The following SMAP1 variants were observed in gnomAD, a reference collection of about 807,000 sequenced individuals.
The protein encoded by SMAP1 is stromal membrane-associated protein 1.
Under a neutral mutation model 58.5 loss-of-function variants are expected in SMAP1, and 24 were observed. The ratio of observed to expected loss-of-function variants is 0.41; its 90% CI spans 0.30 to 0.58. The LOEUF (loss-of-function observed/expected upper bound fraction) is 0.58, where lower values mean the gene tolerates loss of function less well. Among genes scored for constraint, SMAP1 ranks in the 20% least tolerant of loss-of-function variants. SMAP1 has a pLI of 0.29. For synonymous variants in SMAP1, 216 were observed against 196.6 expected (o/e 1.10, Z -0.82); for missense variants, 563 against 566.3 (o/e 0.99, Z 0.06).
chr6:70,703,373 C>A lies in SMAP1; in HGVS notation c.119-29005C>A, dbSNP rs146851421. Among the ~76,000 whole-genome samples the A allele has an allele frequency of 3.9e-5, 6 of 152,314 alleles. No homozygotes were observed. The East Asian group carries it at 1.2e-3, about 29-fold the overall frequency. ...ACAGGTGTGAGCCACCACGCTCAGC[C>A]AGCATTTTTCAATTGAATGCTAGAT... is the stretch of plus-strand genomic sequence containing the variant. On this transcript the variant is annotated intron_variant, in intron 1 of 10. Transcript: ENST00000370455.
intron 6 of SMAP1, among the ~76,000 whole-genome samples, chr6:70,802,820 G>T (rs1052541000): frequency 6.6e-6 from 1 of 152,098 alleles, no homozygotes; most frequent in African/African-American, 2.4e-5. Context: ...ATCGATTTGC[G>T]TATGTTGAAC....
At chr6:70,757,469 C>T (rs956828115) in intron 3 of SMAP1, among the ~76,000 whole-genome samples, 1 of 152,114 alleles carries the variant, frequency 6.6e-6, no homozygotes, top group African/African-American at 2.4e-5. Context: ...GCAAGGACTT[C>T]ATGTCCAAAA....
Position 70,812,959 on chromosome 6 carries a change from C to CT in SMAP1, c.576+14231dup, listed in dbSNP as rs146983009. Among the ~76,000 whole-genome samples the CT allele has an allele frequency of 4.7e-3, 711 of 150,878 alleles. 6 individuals are homozygous for CT. The highest frequency in any genetic ancestry group is 0.015 in the African/African-American group (617 of 41,162). On this transcript the variant is annotated intron_variant, in intron 6 of 10. Transcript: ENST00000370455. ...GTGATAATTATGTTCAGCCTCATTT[C>CT]TTTTTTTTTAGCAGTTTTCCCTTAT...
In SMAP1 at chr6:70,752,439, T is replaced by TA. The variant is rs780493484; in HGVS notation, c.253-2537dup. On this transcript the variant is annotated intron_variant, in intron 2 of 10. Coordinates refer to ENST00000370455, the MANE Select transcript of SMAP1 (RefSeq NM_001044305.3). ...TTTACAGATTCTGTTTCTTTTCCTG[T>TA]AAAATTAGGATAATAATGCCTGTCT... is the stretch of plus-strand genomic sequence containing the variant. Among the ~76,000 whole-genome samples the TA allele has an allele frequency of 3.7e-4, 57 of 152,226 alleles. 1 individual carries two copies. The highest frequency in any genetic ancestry group is 1.5e-4 in the Non-Finnish European group (10 of 68,030).
chr6:70,829,570 C>A (rs1313122933), intron 6 of SMAP1, among the ~76,000 whole-genome samples: 3 of 152,166 alleles, frequency 2.0e-5, no homozygotes, highest in Non-Finnish European at 4.4e-5. Flanking sequence ...AGGAGATTAA[C>A]CTTTGCCACG....
chr6:70,856,794 T>TAA, intron 8 of SMAP1, 65 bp from the exon 9 acceptor site: 1 of 1,447,938 alleles, frequency 6.9e-7, no homozygotes, highest in Non-Finnish European at 9.2e-7. Flanking sequence ...ATTTGGATTT[T>TAA]AAGTAATGGA....
At chr6:70,790,820 A>C (rs1428280497) in intron 4 of SMAP1, among the ~76,000 whole-genome samples, 1 of 152,312 alleles carries the variant, frequency 6.6e-6, no homozygotes, top group South Asian at 2.1e-4. Context: ...TATTGATATG[A>C]TAGGGCAGTA....
intron 4 of SMAP1, among the ~76,000 whole-genome samples, chr6:70,789,296 A>G (rs1465404017): frequency 1.3e-5 from 2 of 152,108 alleles, no homozygotes; most frequent in Non-Finnish European, 2.9e-5. Context: ...AAGATATAGA[A>G]CCTTTTCGTC....
intron 1 of SMAP1, among the ~76,000 whole-genome samples, 180 bp from the exon 2 acceptor site, chr6:70,732,198 G>A (rs1256322972): frequency 1.3e-5 from 2 of 152,148 alleles, no homozygotes; most frequent in African/African-American, 4.8e-5. Context: ...GGTTCTTAAA[G>A]ATTGCCAAGA....
chr6:70,808,227 A>T (rs1213617768), intron 6 of SMAP1, among the ~76,000 whole-genome samples: 1 of 152,186 alleles, frequency 6.6e-6, no homozygotes, highest in African/African-American at 2.4e-5. Flanking sequence ...TTCAAGGGTC[A>T]GCTGTACTTA....
Position 70,861,654 on chromosome 6 carries a change from T to C in SMAP1, c.*1320T>C. On this transcript the variant is annotated 3_prime_UTR_variant, in exon 11 of 11. Coordinates refer to ENST00000370455, the MANE Select transcript of SMAP1 (RefSeq NM_001044305.3). The stretch of plus-strand genomic sequence containing the variant: ...TGGCTGGACAAACTGCACCAGTTGC[T>C]GCTTCAATTTATACCTCAATTTTCA... 1 of 1,611,700 alleles carries C rather than the reference T, an allele frequency of 6.2e-7. No individual in the cohort carries two copies. Among genetic ancestry groups the C allele is most frequent in the Non-Finnish European group, 8.5e-7 (1 of 1,177,928 alleles).
intron 6 of SMAP1, among the ~76,000 whole-genome samples, chr6:70,806,411 C>T (rs1271942035): frequency 1.3e-5 from 2 of 152,188 alleles, no homozygotes; most frequent in African/African-American, 4.8e-5. Flanking sequence ...GGTAGTCTGT[C>T]ACAGCTTCCC....
At chr6:70,725,947 CAAAGT>C (rs1157484943) in intron 1 of SMAP1, among the ~76,000 whole-genome samples, 1 of 152,150 alleles carries the variant, frequency 6.6e-6, no homozygotes, top group Non-Finnish European at 1.5e-5. Flanking sequence ...GAAAAGCTGA[CAAAGT>C]AGAGTAAAAT....
At chr6:70,804,780 T>A (rs1769041923) in intron 6 of SMAP1, among the ~76,000 whole-genome samples, 1 of 152,176 alleles carries the variant, frequency 6.6e-6, no homozygotes, top group Non-Finnish European at 1.5e-5. Flanking sequence ...GGATATGAAA[T>A]TCTGGGTTGA....
chr6:70,689,997 G>C (rs1014173186), intron 1 of SMAP1, among the ~76,000 whole-genome samples: 1 of 151,986 alleles, frequency 6.6e-6, no homozygotes, highest in African/African-American at 2.4e-5. Flanking sequence ...TATCATCCTC[G>C]AATAAAGGCA....
intron 5 of SMAP1, among the ~76,000 whole-genome samples, chr6:70,792,958 T>G (rs1768431866): frequency 6.6e-6 from 1 of 152,178 alleles, no homozygotes; most frequent in Admixed American, 6.5e-5. Flanking sequence ...TCTAATCCAG[T>G]AATGAAATGA....
At chr6:70,822,996 T>A (rs1361522898) in intron 6 of SMAP1, among the ~76,000 whole-genome samples, 96 of 152,168 alleles carry the variant, frequency 6.3e-4, no homozygotes, top group Non-Finnish European at 1.2e-3. Flanking sequence ...TTCTTAGAAT[T>A]TTCATCTCTC....
intron 1 of SMAP1, among the ~76,000 whole-genome samples, chr6:70,711,209 T>C (rs1389930270): frequency 6.6e-6 from 1 of 152,238 alleles, no homozygotes; most frequent in Non-Finnish European, 1.5e-5. Context: ...TATACTTTTA[T>C]TCAGCTGGCA....
intron 6 of SMAP1, among the ~76,000 whole-genome samples, chr6:70,819,296 T>A (rs11962454): frequency 0.14 from 20,825 of 150,356 alleles, 1,524 homozygotes; most frequent in Middle Eastern, 0.23. Flanking sequence ...GCCAGTGTTT[T>A]AAAAAATACC....
Sources: gnomAD v4.1 joint callset for allele counts (sites outside exome capture counted in the v4.1 genomes callset) on GRCh38, gnomAD v4.1.1 for gene constraint, MANE v1.5 for transcripts, NCBI Gene and HGNC (gene_info 2026-07-23, HGNC 2026-07-21) for gene names.